Variants in CCDC91 observed in about 807,000 individuals in gnomAD.
The protein encoded by CCDC91 is coiled-coil domain containing 91.
A neutral mutation model predicts 63.2 loss-of-function variants in CCDC91; 48 were observed. That is an observed-to-expected ratio of 0.76 (90% CI 0.60 to 0.97). CCDC91 has a LOEUF of 0.97. Among genes scored for constraint, CCDC91 ranks in the 50% least tolerant of loss-of-function variants. The probability of loss-of-function intolerance (pLI) is 0.00; values close to 1 mark genes in which losing one functional copy is unlikely to be tolerated. For missense variants in CCDC91, 500 were observed against 494.6 expected (o/e 1.01, Z -0.10); for synonymous variants, 167 against 165.8 (o/e 1.01, Z -0.06).
intron 8 of CCDC91, among the ~76,000 whole-genome samples, chr12:28,438,881 T>A (rs1949041999): frequency 6.6e-6 from 1 of 152,198 alleles, no homozygotes; most frequent in African/African-American, 2.4e-5. Context: ...AGAATTGGGA[T>A]ACATTTTCAA....
chr12:28,533,405 A>G (rs528736613), intron 12 of CCDC91, among the ~76,000 whole-genome samples: 8 of 152,114 alleles, frequency 5.3e-5, no homozygotes, highest in Admixed American at 2.6e-4. Flanking sequence ...ATTTTCCATC[A>G]ATAGTTTACG....
At chr12:28,245,581 C>T (rs1488566032) in intron 1 of CCDC91, among the ~76,000 whole-genome samples, 1 of 152,106 alleles carries the variant, frequency 6.6e-6, no homozygotes, top group Admixed American at 6.5e-5. Flanking sequence ...TTGCAATATA[C>T]ACAGCTGACA....
intron 3 of CCDC91, among the ~76,000 whole-genome samples, chr12:28,260,797 T>C (rs1162066355): frequency 6.6e-6 from 1 of 151,988 alleles, no homozygotes; most frequent in East Asian, 1.9e-4. Flanking sequence ...ACTGAATGAA[T>C]TAACAGATTA....
chr12:28,328,989 G>GA (rs1197586917), intron 6 of CCDC91, among the ~76,000 whole-genome samples: 7 of 151,948 alleles, frequency 4.6e-5, no homozygotes, highest in African/African-American at 7.2e-5. Context: ...ATGGTGTTTG[G>GA]AAAAAAATTG....
rs1213630897 is a variant in CCDC91 at position 28,400,149 on chromosome 12, C to T, written c.762+8738C>T. Among the ~76,000 whole-genome samples, 6 of 152,312 alleles carry T rather than the reference C, an allele frequency of 3.9e-5. No homozygotes were observed. In the East Asian group the frequency reaches 7.7e-4, roughly 20 times the overall value. ...GGACATCCAGGCATTTCCATACATCCTCTGAAATCTAGGTGGAAGTTCCCA... is the reference window on the plus strand; with the variant it reads ...GGACATCCAGGCATTTCCATACATCTTCTGAAATCTAGGTGGAAGTTCCCA... On this transcript the variant is annotated intron_variant, in intron 8 of 12. Coordinates refer to ENST00000536442, the MANE Select transcript of CCDC91 (RefSeq NM_018318.5).
intron 1 of CCDC91, among the ~76,000 whole-genome samples, chr12:28,193,505 G>T (rs1455989652): frequency 1.3e-5 from 2 of 152,044 alleles, no homozygotes; most frequent in Non-Finnish European, 2.9e-5. Flanking sequence ...GGAGGCTGAG[G>T]CAGGAGAACT....
chr12:28,522,918 A>G (rs1940870449), intron 12 of CCDC91, among the ~76,000 whole-genome samples: 1 of 152,124 alleles, frequency 6.6e-6, no homozygotes, highest in Non-Finnish European at 1.5e-5. Context: ...TTCTAGTTTG[A>G]TTGCCCTGTG....
At chr12:28,509,426 G>T (rs1158243535) in intron 12 of CCDC91, among the ~76,000 whole-genome samples, 5 of 151,804 alleles carry the variant, frequency 3.3e-5, no homozygotes, top group African/African-American at 1.2e-4. Context: ...TAGTGGAATT[G>T]CATGTGTCAT....
intron 12 of CCDC91, among the ~76,000 whole-genome samples, chr12:28,539,386 T>C (rs1942454284): frequency 6.6e-6 from 1 of 152,198 alleles, no homozygotes; most frequent in Non-Finnish European, 1.5e-5. Context: ...TTTCTTGTTT[T>C]TGTCAGGTTT....
At chr12:28,369,117 T>TA (rs1253885490) in intron 7 of CCDC91, among the ~76,000 whole-genome samples, 2 of 152,156 alleles carry the variant, frequency 1.3e-5, no homozygotes, top group African/African-American at 4.8e-5. Context: ...CCTAAAATCT[T>TA]ACCTCATTGC....
intron 7 of CCDC91, among the ~76,000 whole-genome samples, chr12:28,371,649 C>T (rs925234957): frequency 1.3e-5 from 2 of 152,142 alleles, no homozygotes; most frequent in Non-Finnish European, 2.9e-5. Context: ...TTTAAAATTA[C>T]CCTTATAATT....
chr12:28,244,494 CTTTTTTTTTTTTTTTTT>C (rs3064681), intron 1 of CCDC91, among the ~76,000 whole-genome samples: 2 of 38,406 alleles, frequency 5.2e-5, no homozygotes, highest in African/African-American at 1.2e-4. Flanking sequence ...TAGAAGAAGG[CTTTTTTTTTTTTTTTTT>C]TTTTTTTTTT....
At chr12:28,342,778 A>C (rs912622745) in intron 6 of CCDC91, among the ~76,000 whole-genome samples, 7 of 152,152 alleles carry the variant, frequency 4.6e-5, no homozygotes, top group African/African-American at 7.2e-5. Context: ...GGGTTCAGGT[A>C]CATACAGACT....
rs192390373 is a variant in CCDC91 at position 28,342,670 on chromosome 12, A to G, written c.577-19768A>G. On this transcript the variant is annotated intron_variant, in intron 6 of 12. Transcript: ENST00000536442. ...GAAGATGGGGAGAGCAATACCCCTG[A>G]GTAGATGAGGGAATATAGGATCTAG... Among the ~76,000 whole-genome samples, 62 of 152,264 alleles carry G rather than the reference A, an allele frequency of 4.1e-4. No individual in the cohort carries two copies. In the East Asian group the frequency reaches 0.011, roughly 28 times the overall value.
At chr12:28,369,988 T>C (rs1291758423) in intron 7 of CCDC91, among the ~76,000 whole-genome samples, 1 of 152,184 alleles carries the variant, frequency 6.6e-6, no homozygotes, top group Non-Finnish European at 1.5e-5. Context: ...CTACGGGCTA[T>C]GGGAGGGGCT....
chr12:28,199,116 G>C (rs1176718552), intron 1 of CCDC91: 2 of 151,902 alleles, frequency 1.3e-5, no homozygotes, highest in African/African-American at 2.4e-5. Context: ...TTCTTACTCT[G>C]TTGCCTGAGC....
chr12:28,517,690 T>C (rs1464205837), intron 12 of CCDC91, among the ~76,000 whole-genome samples: 2 of 151,884 alleles, frequency 1.3e-5, no homozygotes. Flanking sequence ...GGTTTCATGC[T>C]TAACTCCTTT....
intron 6 of CCDC91, among the ~76,000 whole-genome samples, chr12:28,342,913 T>A (rs1942538097): frequency 6.6e-6 from 1 of 151,994 alleles, no homozygotes. Flanking sequence ...TAGGCTGAAG[T>A]TTGTAGACAG....
At chr12:28,287,251 C>T (rs1425939451) in intron 3 of CCDC91, among the ~76,000 whole-genome samples, 2 of 152,082 alleles carry the variant, frequency 1.3e-5, no homozygotes, top group Non-Finnish European at 2.9e-5. Context: ...GTTGCAATTG[C>T]TTTTGGCATG....
Sources: allele counts gnomAD v4.1 joint callset (sites outside exome capture counted in the v4.1 genomes callset), GRCh38; gene constraint gnomAD v4.1.1; transcripts MANE v1.5; gene names NCBI Gene and HGNC (gene_info 2026-07-23, HGNC 2026-07-21).